Variants in ARHGEF7 observed in about 807,000 individuals in gnomAD.
ARHGEF7 encodes Rho guanine nucleotide exchange factor 7.
ARHGEF7 carries 33 observed loss-of-function variants against 109.8 expected under a neutral mutation model. The observed-to-expected ratio is 0.30, with a 90% CI of 0.23 to 0.40. ARHGEF7 has a LOEUF of 0.40. Among genes scored for constraint, ARHGEF7 ranks in the 10% least tolerant of loss-of-function variants. ARHGEF7 has a pLI of 1.00. For missense variants in ARHGEF7, 938 were observed against 1,098.5 expected, an observed-to-expected ratio of 0.85 and a Z score of 2.07; for synonymous variants, 458 against 424.6, an observed-to-expected ratio of 1.08 and a Z score of -0.97.
chr13:111,119,825 C>T (rs2067056883), intron 1 of ARHGEF7, among the ~76,000 whole-genome samples: 1 of 152,144 alleles, frequency 6.6e-6, no homozygotes, highest in Non-Finnish European at 1.5e-5. Flanking sequence ...GAAGTGCTCA[C>T]CTGCTAGAAA....
At chr13:111,219,539 A>G (rs1178724212) in intron 5 of ARHGEF7, among the ~76,000 whole-genome samples, 2 of 152,090 alleles carry the variant, frequency 1.3e-5, no homozygotes, top group Admixed American at 6.5e-5. Context: ...TGGTTCTGTG[A>G]TTAAGTCTGG....
intron 2 of ARHGEF7, among the ~76,000 whole-genome samples, chr13:111,157,339 C>A (rs919955078): frequency 6.7e-6 from 1 of 150,020 alleles, no homozygotes; most frequent in African/African-American, 2.5e-5. Context: ...CACACAATTT[C>A]TATTTGTATC....
At chr13:111,302,111 G>A (rs534090941) in intron 21 of ARHGEF7, among the ~76,000 whole-genome samples, 90 of 152,272 alleles carry the variant, frequency 5.9e-4, no homozygotes, top group Middle Eastern at 3.4e-3. Flanking sequence ...CAAATCCTGC[G>A]AGGCGCCCCT....
At chr13:111,120,598 C>G (rs1460743054) in intron 1 of ARHGEF7, among the ~76,000 whole-genome samples, 1 of 152,208 alleles carries the variant, frequency 6.6e-6, no homozygotes, top group African/African-American at 2.4e-5. Context: ...TTCTCAGGGG[C>G]AGCTGCTCTG....
intron 2 of ARHGEF7, among the ~76,000 whole-genome samples, chr13:111,180,989 C>T (rs868192011): frequency 7.2e-5 from 11 of 152,242 alleles, no homozygotes; most frequent in African/African-American, 1.4e-4. Flanking sequence ...CAGTGAAGGC[C>T]GTTGAGTGTA....
rs2093616337 is a variant in ARHGEF7 at position 111,304,016 on chromosome 13, A to G, written c.*903A>G. 1 of 152,252 alleles carries G rather than the reference A, an allele frequency of 6.6e-6. No homozygotes were observed. Among genetic ancestry groups the G allele is most frequent in the Admixed American group, 6.5e-5 (1 of 15,292 alleles). The allele number at this position is 152,252 out of a possible 1,614,324, so 9.4% of individuals were successfully genotyped here. On this transcript the variant is annotated 3_prime_UTR_variant, in exon 22 of 22. Transcript: ENST00000646102. ...TATTTATTATAAGTCACTGCAGCTG[A>G]TGAAAACAGATGGAGGCCATGCTGC...
intron 2 of ARHGEF7, among the ~76,000 whole-genome samples, chr13:111,155,126 A>G (rs548202206): frequency 6.6e-6 from 1 of 152,370 alleles, no homozygotes; most frequent in African/African-American, 2.4e-5. Flanking sequence ...GCCATTTTAT[A>G]TAAAAGACTT....
chr13:111,267,569 A>G lies in ARHGEF7; in HGVS notation c.972A>G (p.Arg324=). The G allele has an allele frequency of 1.2e-6, 2 of 1,614,090 alleles. No individual in the cohort carries two copies. Among genetic ancestry groups the G allele is most frequent in the Non-Finnish European group, 1.7e-6 (2 of 1,179,944 alleles). ...CCAGGTTGCCCGAAGCTCAGCAGAGAGTCGGAGGCTGCTTTTTAAACCTGA... is the reference window on the plus strand; with the variant it reads ...CCAGGTTGCCCGAAGCTCAGCAGAGGGTCGGAGGCTGCTTTTTAAACCTGA... ...ECTKLPEAQQ[R]VGGCFLNLMP... The change falls in exon 9 of 22, where the codon AGA becomes AGG. Residue 324 remains arginine, a synonymous_variant. Coordinates refer to ENST00000646102, the MANE Select transcript of ARHGEF7 (RefSeq NM_001354046.2).
intron 2 of ARHGEF7, among the ~76,000 whole-genome samples, chr13:111,169,436 A>G (rs1430289085): frequency 6.6e-6 from 1 of 152,174 alleles, no homozygotes; most frequent in Non-Finnish European, 1.5e-5. Flanking sequence ...TGGCCGGAGC[A>G]GGAGCAAGGG....
At position 111,221,494 on chromosome 13, in the gene ARHGEF7, TATATATATCTATATATATAG is replaced by T. The variant is rs1254544449; in HGVS notation, c.670+3633_670+3652del. Among the ~76,000 whole-genome samples the T allele has an allele frequency of 6.8e-5, 4 of 59,192 alleles. 1 individual carries two copies. Among genetic ancestry groups the T allele is most frequent in the Non-Finnish European group, 7.0e-5 (2 of 28,468 alleles). The allele number at this position is 59,192 out of a possible 152,430, so 38.8% of individuals were successfully genotyped here. A position where few individuals can be genotyped will look rare whatever the true frequency, so the allele number is the denominator to read the frequency against. Reference sequence around the variant, plus strand: ...CTATATATATAGATATATATAGACATATATATATCTATATATATAGATATATATCTATATATATCTATATA... The same window carrying T: ...CTATATATATAGATATATATAGACATATATATATCTATATATATCTATATA... On this transcript the variant is annotated intron_variant, in intron 5 of 21. Transcript: ENST00000646102.
intron 4 of ARHGEF7, among the ~76,000 whole-genome samples, chr13:111,215,284 G>T (rs989405349): frequency 1.3e-5 from 2 of 152,120 alleles, no homozygotes; most frequent in Non-Finnish European, 1.5e-5. Flanking sequence ...CTGAGGGGGC[G>T]ATCTTGCTGG....
intron 19 of ARHGEF7, chr13:111,293,040 C>T (rs1285123946): frequency 3.0e-6 from 3 of 985,414 alleles, no homozygotes; most frequent in Non-Finnish European, 3.6e-6. Context: ...GATGTTCACT[C>T]GCATCTTCAC....
intron 2 of ARHGEF7, among the ~76,000 whole-genome samples, chr13:111,189,218 C>T (rs183503415): frequency 4.6e-5 from 7 of 152,286 alleles, no homozygotes; most frequent in East Asian, 3.9e-4. Context: ...ATATTTTGTC[C>T]GGAATTGGTT....
At chr13:111,150,785 G>T (rs192070715) in intron 1 of ARHGEF7, among the ~76,000 whole-genome samples, 1 of 152,180 alleles carries the variant, frequency 6.6e-6, no homozygotes, top group Non-Finnish European at 1.5e-5. Flanking sequence ...GGGGCTGGAC[G>T]AGAGATGTAG....
intron 8 of ARHGEF7, among the ~76,000 whole-genome samples, chr13:111,252,324 T>A (rs60862794): frequency 0.033 from 4,973 of 152,296 alleles, 282 homozygotes; most frequent in African/African-American, 0.11. Flanking sequence ...GGCCTGCCTC[T>A]AGTTAAGATA....
chr13:111,299,103 A>G (rs993287315), intron 19 of ARHGEF7, among the ~76,000 whole-genome samples: 1 of 152,116 alleles, frequency 6.6e-6, no homozygotes, highest in Non-Finnish European at 1.5e-5. Flanking sequence ...CTGAATTTCC[A>G]GTTTCCCAGG....
chr13:111,262,100 T>TA (rs1345358445), intron 8 of ARHGEF7, among the ~76,000 whole-genome samples: 1 of 151,958 alleles, frequency 6.6e-6, no homozygotes, highest in East Asian at 1.9e-4. Context: ...AGGAAAATAA[T>TA]AAAGATTACA....
intron 5 of ARHGEF7, among the ~76,000 whole-genome samples, chr13:111,218,342 T>C (rs1000116429): frequency 4.5e-4 from 69 of 152,278 alleles, no homozygotes; most frequent in South Asian, 1.2e-3. Flanking sequence ...TCCTTATGTT[T>C]TGTAGTTGTT....
intron 8 of ARHGEF7, among the ~76,000 whole-genome samples, chr13:111,264,694 G>A (rs901795416): frequency 3.9e-5 from 6 of 152,220 alleles, no homozygotes; most frequent in Non-Finnish European, 8.8e-5. Flanking sequence ...GTTAAATATT[G>A]AAGGAGGGCG....
Sources: allele counts gnomAD v4.1 joint callset (sites outside exome capture counted in the v4.1 genomes callset), GRCh38; gene constraint gnomAD v4.1.1; transcripts MANE v1.5; gene names NCBI Gene and HGNC (gene_info 2026-07-23, HGNC 2026-07-21).